DAP: variants seen among roughly 807,000 people sequenced by gnomAD.
The protein encoded by DAP is death associated protein, also known as death-associated protein 1.
A neutral mutation model predicts 13.8 loss-of-function variants in DAP; 8 were observed. That is an observed-to-expected ratio of 0.58 (90% CI 0.34 to 1.05). The LOEUF (loss-of-function observed/expected upper bound fraction) is 1.05. DAP is among the 50% of genes least tolerant of loss of function. DAP has a pLI of 0.03. For missense variants in DAP, 106 were observed against 133.2 expected, an observed-to-expected ratio of 0.80 and a Z score of 1.01; for synonymous variants, 47 against 47.5, an observed-to-expected ratio of 0.99 and a Z score of 0.04.
At chr5:10,685,925 G>A (rs1323732815) in intron 2 of DAP, among the ~76,000 whole-genome samples, 1 of 151,830 alleles carries the variant, frequency 6.6e-6, no homozygotes, top group East Asian at 1.9e-4. Flanking sequence ...CCCCTCTACA[G>A]ACACACACAC....
chr5:10,703,368 T>C (rs1738625916), intron 2 of DAP, among the ~76,000 whole-genome samples: 1 of 152,108 alleles, frequency 6.6e-6, no homozygotes, highest in Admixed American at 6.5e-5. Context: ...TGGCTGGCTG[T>C]GGGCTTCTAC....
intron 1 of DAP, among the ~76,000 whole-genome samples, chr5:10,749,820 G>C (rs1486263970): frequency 7.0e-6 from 1 of 143,178 alleles, no homozygotes; most frequent in Non-Finnish European, 1.5e-5. Context: ...AACAGAATTT[G>C]GAAATGCTGG....
chr5:10,726,887 G>A (rs1006975873), intron 2 of DAP, among the ~76,000 whole-genome samples: 9 of 152,184 alleles, frequency 5.9e-5, no homozygotes, highest in Admixed American at 2.6e-4. Context: ...ATGTGACATG[G>A]TGAGGGCCAA....
At chr5:10,741,129 T>A (rs753914812) in intron 2 of DAP, among the ~76,000 whole-genome samples, 1 of 152,204 alleles carries the variant, frequency 6.6e-6, no homozygotes, top group South Asian at 2.1e-4. Context: ...GGTAGGAGGA[T>A]TGCTTGAGCT....
chr5:10,745,224 G>A (rs927254831), intron 2 of DAP, among the ~76,000 whole-genome samples: 1 of 152,168 alleles, frequency 6.6e-6, no homozygotes, highest in African/African-American at 2.4e-5. Flanking sequence ...AGAAAAAGCT[G>A]TTTTGGCAAC....
Position 10,698,193 on chromosome 5 carries a change from T to G in DAP, c.153-14622A>C, listed in dbSNP as rs571662108. ...TGGTCTCTGGATCTGCAAATTCAAC[T>G]GCTACCTGACTGGAAATGCTAGCTC... On this transcript the variant is annotated intron_variant, in intron 2 of 3. Coordinates refer to ENST00000230895, the MANE Select transcript of DAP (RefSeq NM_004394.3). Among the ~76,000 whole-genome samples the G allele has an allele frequency of 6.3e-4, 93 of 146,930 alleles. 4 individuals carry two copies. Among genetic ancestry groups the G allele is most frequent in the Non-Finnish European group, 1.3e-4 (9 of 67,550 alleles).
chr5:10,724,891 G>T (rs1739245884), intron 2 of DAP, among the ~76,000 whole-genome samples: 1 of 151,694 alleles, frequency 6.6e-6, no homozygotes, highest in Non-Finnish European at 1.5e-5. Flanking sequence ...CAGCCGCCAG[G>T]GGGTGTAGCT....
intron 2 of DAP, among the ~76,000 whole-genome samples, chr5:10,693,028 C>T (rs1268024606): frequency 6.6e-6 from 1 of 152,136 alleles, no homozygotes; most frequent in East Asian, 1.9e-4. Flanking sequence ...GTGCATCTGA[C>T]TGGTCAGCCT....
At chr5:10,746,730 T>C (rs1177373962) in intron 2 of DAP, among the ~76,000 whole-genome samples, 1 of 152,216 alleles carries the variant, frequency 6.6e-6, no homozygotes, top group Non-Finnish European at 1.5e-5. Flanking sequence ...TAATCACTAA[T>C]AATCACTCAG....
rs193267298 is a variant in DAP, at chr5:10,685,365, C to T, written c.153-1794G>A. Among the ~76,000 whole-genome samples, 11 of 152,056 alleles carry T rather than the reference C, an allele frequency of 7.2e-5. No individual in the cohort carries two copies. The East Asian group carries it at 7.7e-4, about 11-fold the overall frequency. On this transcript the variant is annotated intron_variant, in intron 2 of 3. Transcript: ENST00000230895. The stretch of plus-strand genomic sequence containing the variant: ...CAGCTCAAGTTTAAAAGTCCCGCCA[C>T]GTGGTATAACTGAATTCATTTGGAT...
chr5:10,756,898 A>G (rs1396317246), intron 1 of DAP, among the ~76,000 whole-genome samples: 1 of 117,564 alleles, frequency 8.5e-6, no homozygotes, highest in Non-Finnish European at 1.8e-5. Flanking sequence ...TGCATTTGCA[A>G]TAACTCATCA....
intron 2 of DAP, among the ~76,000 whole-genome samples, chr5:10,746,132 T>C (rs140664207): frequency 2.6e-4 from 40 of 152,310 alleles, no homozygotes; most frequent in Non-Finnish European, 4.3e-4. Flanking sequence ...GGGTACTATG[T>C]GGTATATGCA....
intron 1 of DAP, among the ~76,000 whole-genome samples, chr5:10,754,097 G>A (rs912582983): frequency 1.3e-5 from 2 of 152,216 alleles, no homozygotes; most frequent in African/African-American, 4.8e-5. Flanking sequence ...GACTCCACCA[G>A]GAGAGAGGAG....
At chr5:10,700,824 G>A (rs1003819711) in intron 2 of DAP, among the ~76,000 whole-genome samples, 1 of 152,200 alleles carries the variant, frequency 6.6e-6, no homozygotes, top group East Asian at 1.9e-4. Context: ...CAGGGCCCTT[G>A]TTTCTCTGGG....
chr5:10,692,029 G>A (rs1436607776), intron 2 of DAP, among the ~76,000 whole-genome samples: 2 of 152,170 alleles, frequency 1.3e-5, no homozygotes, highest in African/African-American at 4.8e-5. Flanking sequence ...TGCCAGAAAC[G>A]CTCAGTGACT....
At chr5:10,722,593 T>TACACATATATACAC (rs1739180350) in intron 2 of DAP, among the ~76,000 whole-genome samples, 1 of 148,554 alleles carries the variant, frequency 6.7e-6, no homozygotes, top group Non-Finnish European at 1.5e-5. Context: ...TATACATATA[T>TACACATATATACAC]ACATATATAT....
At chr5:10,722,561 T>TATATATACATACATACATATATATAC (rs1739174332) in intron 2 of DAP, among the ~76,000 whole-genome samples, 1 of 134,072 alleles carries the variant, frequency 7.5e-6, no homozygotes, top group Non-Finnish European at 1.6e-5. Context: ...TATACATGCA[T>TATATATACATACATACATATATATAC]ATATATACAT....
intron 2 of DAP, among the ~76,000 whole-genome samples, chr5:10,726,670 G>A (rs555083457): frequency 1.3e-5 from 2 of 152,296 alleles, no homozygotes; most frequent in Non-Finnish European, 1.5e-5. Context: ...GCTTACCCTC[G>A]TTACATCCAA....
intron 2 of DAP, among the ~76,000 whole-genome samples, chr5:10,744,844 G>C (rs1350590240): frequency 6.6e-6 from 1 of 152,108 alleles, no homozygotes; most frequent in African/African-American, 2.4e-5. Flanking sequence ...GTGGAGCAGC[G>C]TAAGGAATCC....
Sources: allele counts gnomAD v4.1 joint callset (sites outside exome capture counted in the v4.1 genomes callset), GRCh38; gene constraint gnomAD v4.1.1; transcripts MANE v1.5; gene names NCBI Gene and HGNC (gene_info 2026-07-23, HGNC 2026-07-21).